Variants in RNF139 observed in about 807,000 individuals in gnomAD.
The protein encoded by RNF139 is E3 ubiquitin-protein ligase RNF139.
In RNF139, 15 loss-of-function variants were observed where a neutral mutation model predicts 49.5. That is an observed-to-expected ratio of 0.30 (90% CI 0.20 to 0.47). The LOEUF (loss-of-function observed/expected upper bound fraction) is 0.47, where lower values mean the gene tolerates loss of function less well. RNF139 is among the 20% of genes least tolerant of loss of function. The pLI, the probability that RNF139 is intolerant of heterozygous loss-of-function variation, is 1.00. For missense variants in RNF139, 619 were observed against 806.3 expected (o/e 0.77, Z 2.81); for synonymous variants, 325 against 300.9 (o/e 1.08, Z -0.83).
rs1411834348 is a variant in RNF139, at chr8:124,485,965, T to C, written c.316T>C (p.Tyr106His). 2 of 1,614,244 alleles carry C rather than the reference T, an allele frequency of 1.2e-6. No homozygotes were observed. Among genetic ancestry groups the C allele is most frequent in the Admixed American group, 3.3e-5 (2 of 60,032 alleles). The change falls in exon 2 of 2, where the codon TAT becomes CAT. Residue 106 changes from tyrosine (Y) to histidine (H), a missense_variant. Physicochemically the swap from Tyr to His is moderately conservative, Grantham distance 83. Transcript: ENST00000303545. Reference sequence around the variant, plus strand: ...TTATGCTTCTTTGCACATTGACTTCTATGGTGCCTACAACACGTCAGCTTT... The same window carrying C: ...TTATGCTTCTTTGCACATTGACTTCCATGGTGCCTACAACACGTCAGCTTT... ...NYYASLHIDF[Y>H]GAYNTSAFGI... is the part of the protein sequence containing the mutation.
At chr8:124,483,823 G>A (rs1816488986) in intron 1 of RNF139, among the ~76,000 whole-genome samples, 1 of 152,084 alleles carries the variant, frequency 6.6e-6, no homozygotes, top group East Asian at 1.9e-4. Flanking sequence ...TTTCAAGCAG[G>A]CTATATTTTG....
chr8:124,478,145 A>T (rs1816342768), intron 1 of RNF139, among the ~76,000 whole-genome samples: 1 of 151,732 alleles, frequency 6.6e-6, no homozygotes, highest in African/African-American at 2.4e-5. Flanking sequence ...CTGTCTAAAA[A>T]AAAAAACAAA....
chr8:124,487,595 T>C lies in RNF139; in HGVS notation c.1946T>C (p.Ile649Thr), dbSNP rs139086540. 797 of 1,612,962 alleles carry C rather than the reference T, an allele frequency of 4.9e-4. 1 individual carries two copies. The African/African-American group carries it at 9.7e-3, about 20-fold the overall frequency. Residue 649 changes from isoleucine (I) to threonine (T), a missense_variant, in exon 2 of 2, where the codon ATT becomes ACT. Ile to Thr is a moderately conservative substitution (Grantham distance 89). Transcript: ENST00000303545. The part of the protein sequence containing the change: ...DDVQRERNGV[I>T]QHTGAAAEEF... Reference sequence around the variant, plus strand: ...GTTCAAAGAGAAAGAAATGGAGTGATTCAGCACACAGGCGCAGCAGCTGAA... The same window carrying C: ...GTTCAAAGAGAAAGAAATGGAGTGACTCAGCACACAGGCGCAGCAGCTGAA...
At position 124,475,259 on chromosome 8, in the gene RNF139, C is replaced by A; in HGVS notation, c.150C>A (p.Cys50Ter). 1 of 1,613,472 alleles carries A rather than the reference C, an allele frequency of 6.2e-7. No individual in the cohort carries two copies. The highest frequency in any genetic ancestry group is 8.5e-7 in the Non-Finnish European group (1 of 1,179,684). The change falls in exon 1 of 2, where the codon TGC becomes TGA. Residue 50 changes from cysteine (C) to a stop codon, truncating the protein, a stop_gained. Transcript: ENST00000303545. LOFTEE classifies it high-confidence loss of function. ...SYPDSSQSRF[C>*]IVLQIFLRLF... is the part of the protein sequence containing the mutation. ...CGGATTCCAGCCAAAGCCGGTTCTG[C>A]ATCGTGCTCCAGATCTTCCTCCGGC...
chr8:124,482,230 C>G (rs1001196091), intron 1 of RNF139, among the ~76,000 whole-genome samples: 4 of 152,032 alleles, frequency 2.6e-5, no homozygotes, highest in Non-Finnish European at 5.9e-5. Context: ...CACTTTTTCA[C>G]TAGAAATGTT....
chr8:124,481,729 A>G (rs2131301083), intron 1 of RNF139, among the ~76,000 whole-genome samples: 1 of 152,260 alleles, frequency 6.6e-6, no homozygotes, highest in East Asian at 1.9e-4. Context: ...AGTCTTGATT[A>G]CTTGTGCAAG....
At position 124,485,708 on chromosome 8, in the gene RNF139, G is replaced by A. The variant is rs907220873; in HGVS notation, c.182-123G>A. The A allele has an allele frequency of 3.5e-6, 3 of 852,186 alleles. No homozygotes were observed. The African/African-American group carries it at 5.1e-5, about 15-fold the overall frequency. 52.8% of individuals were successfully genotyped at this position (852,186 alleles called of 1,614,324 possible). On this transcript the variant is annotated intron_variant, in intron 1 of 1. Coordinates refer to ENST00000303545, the MANE Select transcript of RNF139 (RefSeq NM_007218.4). Reference sequence around the variant, plus strand: ...ACCCTTTAAGCCTTAGTTGTCTTGAGGCTTAATGTTCATAACTGAAAATAT... The same window carrying A: ...ACCCTTTAAGCCTTAGTTGTCTTGAAGCTTAATGTTCATAACTGAAAATAT...
chr8:124,482,935 TAAAA>T (rs201354230), intron 1 of RNF139, among the ~76,000 whole-genome samples: 83 of 79,498 alleles, frequency 1.0e-3, no homozygotes, highest in Admixed American at 2.2e-3. Flanking sequence ...AAAAAAAATA[TAAAA>T]AAAAATATAT....
At position 124,487,550 on chromosome 8, in the gene RNF139, G is replaced by A. The variant is rs768324092; in HGVS notation, c.1901G>A (p.Ser634Asn). The A allele has an allele frequency of 6.2e-7, 1 of 1,614,126 alleles. No individual in the cohort carries two copies. The highest frequency in any genetic ancestry group is 8.5e-7 in the Non-Finnish European group (1 of 1,179,992). ...ESDRELNEDDSTDCDDDVQRE... is the reference protein window; with the variant it reads ...ESDRELNEDDNTDCDDDVQRE... Reference sequence around the variant, plus strand: ...GACAGGGAATTGAACGAAGATGACAGTACAGATTGTGATGATGATGTTCAA... The same window carrying A: ...GACAGGGAATTGAACGAAGATGACAATACAGATTGTGATGATGATGTTCAA... Residue 634 changes from serine (S) to asparagine (N), a missense_variant, in exon 2 of 2, where the codon AGT becomes AAT. Coordinates refer to ENST00000303545, the MANE Select transcript of RNF139 (RefSeq NM_007218.4).
chr8:124,479,403 G>C (rs1377553282), intron 1 of RNF139, among the ~76,000 whole-genome samples: 4 of 152,202 alleles, frequency 2.6e-5, no homozygotes, highest in Non-Finnish European at 4.4e-5. Context: ...ATGCAATAAA[G>C]TTCTTGAAAG....
At chr8:124,480,077 T>A (rs1293601895) in intron 1 of RNF139, among the ~76,000 whole-genome samples, 7 of 151,886 alleles carry the variant, frequency 4.6e-5, no homozygotes, top group African/African-American at 9.7e-5. Context: ...AGGCTGCAAG[T>A]GAGCTATGAT....
rs1049900461 is a variant in RNF139, at chr8:124,475,053, G to GGGCCCTGCCCCGCGC, written c.-46_-32dup. 4.1e-5 allele frequency: 51 copies of GGGCCCTGCCCCGCGC among 1,239,242 alleles called. No individual in the cohort carries two copies. The highest frequency in any genetic ancestry group is 8.6e-5 in the Admixed American group (2 of 23,148). 76.8% of individuals were successfully genotyped at this position (1,239,242 alleles called of 1,614,324 possible). On this transcript the variant is annotated 5_prime_UTR_variant, in exon 1 of 2. Transcript: ENST00000303545. ...AGCCCCCGCCCCCGGCCGCGGCCCC[G>GGGCCCTGCCCCGCGC]GGCCCTGCCCCGCGCGGCCCTGCCC... is the stretch of plus-strand genomic sequence containing the variant.
chr8:124,475,433 G>A (rs1586519254), intron 1 of RNF139, 143 bp downstream of exon 1: 3 of 802,994 alleles, frequency 3.7e-6, no homozygotes, highest in Non-Finnish European at 3.9e-6. Flanking sequence ...TCGTCTTTAC[G>A]GGTTGGGAGG....
chr8:124,486,598 G>C lies in RNF139; in HGVS notation c.949G>C (p.Glu317Gln). 4 of 1,614,140 alleles carry C rather than the reference G, an allele frequency of 2.5e-6. No individual in the cohort carries two copies. The highest frequency in any genetic ancestry group is 3.4e-6 in the Non-Finnish European group (4 of 1,180,024). Residue 317 changes from glutamate (E) to glutamine (Q), a missense_variant, in exon 2 of 2, where the codon GAG (glutamate) becomes CAG (glutamine). Around this residue, in one of 2 missense-constraint regions of RNF139, gnomAD observed 530 missense variants for 728.9 expected, o/e 0.73. Transcript: ENST00000303545. ...LGILAFIGST[E>Q]EDDRRLGFVA... ...AATATTGGCCTTTATTGGATCAACT[G>C]AGGAAGATGACAGGCGTCTTGGCTT... is the stretch of plus-strand genomic sequence containing the variant.
chr8:124,488,506 A>G lies in RNF139; in HGVS notation c.*862A>G. ...CCGATATATAGTATTTCTTTAGACA[A>G]CTTGCAGATAATTTCTTTATTGAAA... is the stretch of plus-strand genomic sequence containing the variant. On this transcript the variant is annotated 3_prime_UTR_variant, in exon 2 of 2. Transcript: ENST00000303545. 2 of 682,456 alleles carry G rather than the reference A, an allele frequency of 2.9e-6. No individual in the cohort carries two copies. Among genetic ancestry groups the G allele is most frequent in the Non-Finnish European group, 5.1e-6 (2 of 390,030 alleles). 42.3% of individuals were successfully genotyped at this position (682,456 alleles called of 1,614,324 possible).
At chr8:124,483,026 TA>T (rs370370558) in intron 1 of RNF139, among the ~76,000 whole-genome samples, 1 of 94,276 alleles carries the variant, frequency 1.1e-5, no homozygotes, top group South Asian at 3.0e-4. Flanking sequence ...TATATATATT[TA>T]AATATATATA....
At position 124,488,182 on chromosome 8, in the gene RNF139, T is replaced by C. The variant is rs751659645; in HGVS notation, c.*538T>C. 1.5e-4 allele frequency among the ~76,000 whole-genome samples: 23 copies of C among 152,150 alleles called. No homozygotes were observed. The highest frequency in any genetic ancestry group is 7.2e-4 in the Admixed American group (11 of 15,280). On this transcript the variant is annotated 3_prime_UTR_variant, in exon 2 of 2. Transcript: ENST00000303545. ...TTTTGAAACTTGAGTAGCAGTGTAA[T>C]TGAGCTGAGTTTGAAAGTCCTGATT...
At chr8:124,483,485 C>G (rs573980247) in intron 1 of RNF139, 11 of 152,112 alleles carry the variant, frequency 7.2e-5, no homozygotes, top group African/African-American at 2.7e-4. Context: ...GTCACCCAGG[C>G]TGGCATGCAG....
At chr8:124,475,315 C>T (rs1816295588) in intron 1 of RNF139, 25 bp downstream of exon 1, 1 of 1,590,870 alleles carries the variant, frequency 6.3e-7, no homozygotes, top group Admixed American at 1.7e-5. Context: ...TACCGTACGT[C>T]CCGGGACGGC....
Sources: allele counts gnomAD v4.1 joint callset (sites outside exome capture counted in the v4.1 genomes callset), GRCh38; gene constraint gnomAD v4.1.1; regional missense constraint gnomAD v4.1.1; transcripts MANE v1.5; gene names NCBI Gene and HGNC (gene_info 2026-07-23, HGNC 2026-07-21).